The following ADGRA2 variants were observed in gnomAD, a reference collection of about 807,000 sequenced individuals.
The protein encoded by ADGRA2 is adhesion G protein-coupled receptor A2.
Under a neutral mutation model 98.7 loss-of-function variants are expected in ADGRA2, and 61 were observed. The observed-to-expected ratio is 0.62, with a 90% CI of 0.50 to 0.76. The LOEUF (loss-of-function observed/expected upper bound fraction) is 0.76, where lower values mean the gene tolerates loss of function less well. ADGRA2 is among the 30% of genes least tolerant of loss of function. ADGRA2 has a pLI of 0.00. For synonymous variants in ADGRA2, 858 were observed against 831.5 expected (o/e 1.03, Z -0.55); for missense variants, 1,712 against 1,860.0 (o/e 0.92, Z 1.46).
Position 37,797,065 on chromosome 8 carries a change from G to A in ADGRA2, c.-204G>A, listed in dbSNP as rs1406625361. On this transcript the variant is annotated 5_prime_UTR_variant, in exon 1 of 19. Coordinates refer to ENST00000412232, the MANE Select transcript of ADGRA2 (RefSeq NM_032777.10). This position sits in a 1 kb window ranked among gnomAD's most constrained non-coding sequence, Gnocchi z 5.3. Reference sequence around the variant, plus strand: ...CCCGCGCTGCGCTGACAGCCGCGCCGACGTCCTCCCCGCCGGGGCGCTCGC... The same window carrying A: ...CCCGCGCTGCGCTGACAGCCGCGCCAACGTCCTCCCCGCCGGGGCGCTCGC... 1.8e-5 allele frequency: 4 copies of A among 220,592 alleles called. No homozygotes were observed. The highest frequency in any genetic ancestry group is 2.6e-5 in the Non-Finnish European group (3 of 116,950). The allele number at this position is 220,592 out of a possible 1,614,324, so 13.7% of individuals were successfully genotyped here. A position where few individuals can be genotyped will look rare whatever the true frequency, so the allele number is the denominator to read the frequency against.
At chr8:37,804,695 A>G (rs1804609992) in intron 1 of ADGRA2, among the ~76,000 whole-genome samples, 1 of 152,204 alleles carries the variant, frequency 6.6e-6, no homozygotes, top group African/African-American at 2.4e-5. Context: ...CCCACATTAA[A>G]CAGCTCTGCA....
Position 37,841,705 on chromosome 8 carries a change from G to C in ADGRA2, c.3367G>C (p.Gly1123Arg), listed in dbSNP as rs1003522135. The C allele has an allele frequency of 1.0e-5, 16 of 1,540,674 alleles. No individual in the cohort carries two copies. In the African/African-American group the frequency reaches 2.1e-4, roughly 20 times the overall value. Reference sequence around the variant, plus strand: ...CCCCTCCCTCAAGTCCTCCCCAAGCGGCAGCAGCGGCCATCCGCTGGCTCT... The same window carrying C: ...CCCCTCCCTCAAGTCCTCCCCAAGCCGCAGCAGCGGCCATCCGCTGGCTCT... Reference protein sequence around the residue: ...GPPSLKSSPSGSSGHPLALGP... With the variant: ...GPPSLKSSPSRSSGHPLALGP... The change falls in exon 19 of 19, where the codon GGC (glycine) becomes CGC (arginine). Residue 1123 changes from glycine (G) to arginine (R), a missense_variant. Transcript: ENST00000412232. This position sits in a 1 kb window ranked among gnomAD's most constrained non-coding sequence, Gnocchi z 5.0.
intron 14 of ADGRA2, among the ~76,000 whole-genome samples, chr8:37,838,489 A>G (rs1463737583): frequency 1.3e-5 from 2 of 151,860 alleles, no homozygotes. Flanking sequence ...CTGACCTCAA[A>G]TGATCCGCCC....
At chr8:37,799,450 A>G (rs1190518992) in intron 1 of ADGRA2, among the ~76,000 whole-genome samples, 2 of 151,794 alleles carry the variant, frequency 1.3e-5, no homozygotes, top group East Asian at 1.9e-4. Flanking sequence ...GCTCATGCAC[A>G]TATGTGGGAT....
chr8:37,837,721 C>A lies in ADGRA2; in HGVS notation c.2051-10C>A, dbSNP rs767140176. The A allele has an allele frequency of 1.0e-5, 16 of 1,549,980 alleles. No individual in the cohort carries two copies. The East Asian group carries it at 3.2e-4, about 31-fold the overall frequency. ...TGTGTGTCTGTGTGGACGTCCCTCT[C>A]CCGCTGTAGGTGGCTGTGGCGTGGG... On this transcript the variant is annotated splice_polypyrimidine_tract_variant and intron_variant, in intron 13 of 18. Transcript: ENST00000412232.
chr8:37,797,935 T>C lies in ADGRA2; in HGVS notation c.266+401T>C, dbSNP rs573549333. ...CGACGCTCGTGGCCCAGGAGGGGGCTGTGGTCCTAACCACTACGGTCGCGT... is the reference window on the plus strand; with the variant it reads ...CGACGCTCGTGGCCCAGGAGGGGGCCGTGGTCCTAACCACTACGGTCGCGT... On this transcript the variant is annotated intron_variant, in intron 1 of 18. Transcript: ENST00000412232. This position sits in a 1 kb window ranked among gnomAD's most constrained non-coding sequence, Gnocchi z 5.3. Among the ~76,000 whole-genome samples the C allele has an allele frequency of 6.6e-6, 1 of 152,364 alleles. No homozygotes were observed. Among genetic ancestry groups the C allele is most frequent in the South Asian group, 2.1e-4 (1 of 4,828 alleles).
At chr8:37,832,345 G>A (rs772248335) in intron 8 of ADGRA2, among the ~76,000 whole-genome samples, 1 of 152,014 alleles carries the variant, frequency 6.6e-6, no homozygotes. Flanking sequence ...GAGCCACTGC[G>A]ACTTTTTTTT....
chr8:37,836,856 A>T lies in ADGRA2; in HGVS notation c.2051-875A>T, dbSNP rs116607057. 5.5e-3 allele frequency among the ~76,000 whole-genome samples: 840 copies of T among 152,246 alleles called. 5 individuals carry two copies. The highest frequency in any genetic ancestry group is 0.019 in the African/African-American group (769 of 41,544). On this transcript the variant is annotated intron_variant, in intron 13 of 18. Transcript: ENST00000412232. ...GCACTGCCACCCCACCGTGGGTTCC[A>T]TCCTGTTCCTAGCACAGACTCTTGC...
chr8:37,833,557 T>G (rs1198701648), intron 9 of ADGRA2, 131 bp from the exon 10 acceptor site: 14 of 912,100 alleles, frequency 1.5e-5, no homozygotes, highest in Non-Finnish European at 1.9e-5. Flanking sequence ...CCTAGCTTGA[T>G]GAGACCCAGA....
chr8:37,825,400 C>T (rs1364966418), intron 2 of ADGRA2, among the ~76,000 whole-genome samples: 1 of 151,666 alleles, frequency 6.6e-6, no homozygotes, highest in Admixed American at 6.6e-5. Context: ...CCCACCCCCA[C>T]ATTGGCTAAA....
At chr8:37,833,865 C>T (rs376318282) in intron 10 of ADGRA2, 28 bp downstream of exon 10, 4 of 1,611,402 alleles carry the variant, frequency 2.5e-6, no homozygotes, top group Non-Finnish European at 3.4e-6. Context: ...CTCAGGAGCT[C>T]GGAAAACGCC....
At chr8:37,812,670 AT>A (rs35078864) in intron 1 of ADGRA2, among the ~76,000 whole-genome samples, 5,231 of 145,992 alleles carry the variant, frequency 0.036, 208 homozygotes, top group East Asian at 0.2. Context: ...GAGTTGCAGA[AT>A]TTTTTTTTTT....
In ADGRA2 at chr8:37,844,226, C is replaced by T. The variant is rs1805904075; in HGVS notation, c.*1871C>T. The T allele has an allele frequency of 2.1e-6, 1 of 482,634 alleles. No individual in the cohort carries two copies. The allele number at this position is 482,634 out of a possible 1,614,324, so 29.9% of individuals were successfully genotyped here. On this transcript the variant is annotated 3_prime_UTR_variant, in exon 19 of 19. Transcript: ENST00000412232. ...AAGAGCCTGACATTTTCCCATCCAT[C>T]TATGAGGAAAGCCATCTCACAGAAC...
chr8:37,800,450 A>G (rs992124685), intron 1 of ADGRA2, among the ~76,000 whole-genome samples: 1 of 152,220 alleles, frequency 6.6e-6, no homozygotes, highest in Non-Finnish European at 1.5e-5. Flanking sequence ...CTCCCGCTCT[A>G]TCTTGGTTAT....
chr8:37,828,798 C>A, intron 2 of ADGRA2, 90 bp from the exon 3 acceptor site: 1 of 1,000,760 alleles, frequency 1.0e-6, no homozygotes, highest in Non-Finnish European at 1.5e-6. Context: ...AACCCAGCAA[C>A]AACACCGTGG....
chr8:37,830,144 C>A lies in ADGRA2; in HGVS notation c.718+130C>A, dbSNP rs79876234. Reference sequence around the variant, plus strand: ...TATTGCAATTTGCAAAAGACCACGACACTGAGTCCTGCTCTTGCATTTAGG... The same window carrying A: ...TATTGCAATTTGCAAAAGACCACGAAACTGAGTCCTGCTCTTGCATTTAGG... On this transcript the variant is annotated intron_variant, in intron 6 of 18. Transcript: ENST00000412232. The surrounding 1 kb of genome is among the most constrained non-coding windows in gnomAD (Gnocchi z 4.8). 5 of 570,304 alleles carry A rather than the reference C, an allele frequency of 8.8e-6. No homozygotes were observed. Among genetic ancestry groups the A allele is most frequent in the African/African-American group, 7.5e-5 (4 of 53,180 alleles). 35.3% of individuals were successfully genotyped at this position (570,304 alleles called of 1,614,324 possible). A position where few individuals can be genotyped will look rare whatever the true frequency, so the allele number is the denominator to read the frequency against.
At position 37,844,308 on chromosome 8, in the gene ADGRA2, A is replaced by G. The variant is rs1208060694; in HGVS notation, c.*1953A>G. On this transcript the variant is annotated 3_prime_UTR_variant, in exon 19 of 19. Coordinates refer to ENST00000412232, the MANE Select transcript of ADGRA2 (RefSeq NM_032777.10). ...AGGGATGGGAATCTCTCCTACCTAT[A>G]GTCATCCCTGCACTCCTGACTTTAC... 1 of 683,774 alleles carries G rather than the reference A, an allele frequency of 1.5e-6. No individual in the cohort carries two copies. Among genetic ancestry groups the G allele is most frequent in the Non-Finnish European group, 2.5e-6 (1 of 402,058 alleles). 42.4% of individuals were successfully genotyped at this position (683,774 alleles called of 1,614,324 possible). A position where few individuals can be genotyped will look rare whatever the true frequency, so the allele number is the denominator to read the frequency against.
chr8:37,838,275 C>T (rs1158416059), intron 14 of ADGRA2, among the ~76,000 whole-genome samples: 1 of 114,608 alleles, frequency 8.7e-6, no homozygotes, highest in South Asian at 2.8e-4. Context: ...TTTTTTTAGA[C>T]GGAGTCTGGC....
intron 2 of ADGRA2, among the ~76,000 whole-genome samples, chr8:37,828,023 T>A (rs1805330063): frequency 6.6e-6 from 1 of 151,900 alleles, no homozygotes; most frequent in Admixed American, 6.6e-5. Context: ...ACACCTGTGG[T>A]GCCAGTTGCT....
Sources: allele counts gnomAD v4.1 joint callset (sites outside exome capture counted in the v4.1 genomes callset), GRCh38; gene constraint gnomAD v4.1.1; non-coding constraint Gnocchi (gnomAD v3.1); transcripts MANE v1.5; gene names NCBI Gene and HGNC (gene_info 2026-07-23, HGNC 2026-07-21).